Variants in MOCOS observed in about 807,000 individuals in gnomAD.
The protein encoded by MOCOS is molybdenum cofactor sulfurase.
Under a neutral mutation model 83.6 loss-of-function variants are expected in MOCOS, and 86 were observed. The observed-to-expected ratio is 1.03, with a 90% CI of 0.86 to 1.23. The LOEUF (loss-of-function observed/expected upper bound fraction) is 1.23, where lower values mean the gene tolerates loss of function less well. Ranked by LOEUF, MOCOS falls within the 50% of genes most tolerant of loss-of-function variation. MOCOS has a pLI of 0.00. For synonymous variants in MOCOS, 445 were observed against 434.7 expected (o/e 1.02, Z -0.29); for missense variants, 1,120 against 1,126.9 (o/e 0.99, Z 0.09).
At chr18:36,196,412 C>T (rs1048901160) in intron 2 of MOCOS, among the ~76,000 whole-genome samples, 2 of 152,116 alleles carry the variant, frequency 1.3e-5, no homozygotes, top group African/African-American at 4.8e-5. Context: ...AGTAACTAGC[C>T]TGAGGCTGCA....
At chr18:36,214,552 G>T (rs1167187299) in intron 7 of MOCOS, among the ~76,000 whole-genome samples, 1 of 152,114 alleles carries the variant, frequency 6.6e-6, no homozygotes, top group Admixed American at 6.5e-5. Context: ...TTTCACTTCA[G>T]GGTATAGCCT....
chr18:36,248,247 T>G (rs2091609603), intron 9 of MOCOS, among the ~76,000 whole-genome samples: 1 of 152,354 alleles, frequency 6.6e-6, no homozygotes, highest in Non-Finnish European at 1.5e-5. Flanking sequence ...CATGTCTTCT[T>G]TCAAGAAATA....
At chr18:36,198,962 C>T (rs532891619) in intron 3 of MOCOS, among the ~76,000 whole-genome samples, 1 of 152,214 alleles carries the variant, frequency 6.6e-6, no homozygotes, top group Non-Finnish European at 1.5e-5. Context: ...AGATGAGACA[C>T]ACAGGTAGGT....
chr18:36,245,826 A>G (rs1416280435), intron 9 of MOCOS, among the ~76,000 whole-genome samples: 2 of 152,098 alleles, frequency 1.3e-5, no homozygotes, highest in Non-Finnish European at 2.9e-5. Context: ...ATTTTTTAAA[A>G]TTCTTTTTTA....
intron 5 of MOCOS, 35 bp from the exon 6 acceptor site, chr18:36,205,042 C>T (rs1212865168): frequency 1.0e-6 from 1 of 980,432 alleles, no homozygotes; most frequent in Admixed American, 1.8e-5. Context: ...TTACATAAAG[C>T]TCATGATTCT....
intron 13 of MOCOS, 129 bp downstream of exon 13, chr18:36,260,304 G>A (rs749981190): frequency 1.9e-5 from 23 of 1,218,852 alleles, no homozygotes; most frequent in Non-Finnish European, 2.8e-5. Context: ...AAATCTTGGT[G>A]GGAGGTTATG....
chr18:36,215,388 A>T (rs975611936), intron 7 of MOCOS, 128 bp from the exon 8 acceptor site: 2 of 863,462 alleles, frequency 2.3e-6, no homozygotes, highest in Non-Finnish European at 1.9e-6. Context: ...CGCACAGCAC[A>T]TATTAATGTT....
chr18:36,272,135 T>A lies in MOCOS; in HGVS notation c.*3450T>A, dbSNP rs2091701610. 6.6e-6 allele frequency: 1 copy of A among 152,224 alleles called. No individual in the cohort carries two copies. The highest frequency in any genetic ancestry group is 2.1e-4 in the South Asian group (1 of 4,828). The allele number at this position is 152,224 out of a possible 1,614,324, so 9.4% of individuals were successfully genotyped here. ...GTATGACTTATGATATTCATGATAA[T>A]TAAAACGTTTTGGAACAATTCATCT... On this transcript the variant is annotated 3_prime_UTR_variant, in exon 15 of 15. Coordinates refer to ENST00000261326, the MANE Select transcript of MOCOS (RefSeq NM_017947.4).
chr18:36,239,822 C>T (rs181909683), intron 9 of MOCOS, among the ~76,000 whole-genome samples: 3,474 of 151,504 alleles, frequency 0.023, 48 homozygotes, highest in Middle Eastern at 0.048. Context: ...TTCTTGGAGG[C>T]TTTGCTCGTT....
At chr18:36,213,038 A>C (rs1285674586) in intron 6 of MOCOS, among the ~76,000 whole-genome samples, 2 of 152,198 alleles carry the variant, frequency 1.3e-5, no homozygotes, top group Non-Finnish European at 2.9e-5. Context: ...TGGAGAAAGT[A>C]GGAAAAGCAA....
At chr18:36,263,974 T>G (rs1182476754) in intron 13 of MOCOS, among the ~76,000 whole-genome samples, 1 of 152,074 alleles carries the variant, frequency 6.6e-6, no homozygotes, top group Non-Finnish European at 1.5e-5. Context: ...GTCAGGAGTT[T>G]GACACCAGCC....
At chr18:36,244,771 T>G (rs1416169939) in intron 9 of MOCOS, among the ~76,000 whole-genome samples, 3 of 152,192 alleles carry the variant, frequency 2.0e-5, no homozygotes, top group African/African-American at 4.8e-5. Flanking sequence ...TTAGGTCTAG[T>G]AGCAATTGTT....
intron 11 of MOCOS, among the ~76,000 whole-genome samples, chr18:36,256,290 A>C (rs560453468): frequency 8.8e-4 from 134 of 152,298 alleles, no homozygotes; most frequent in African/African-American, 3.2e-3. Flanking sequence ...TAGATTCAGA[A>C]GCTCTTCCTG....
At position 36,235,175 on chromosome 18, in the gene MOCOS, A is replaced by C. The variant is rs575763037; in HGVS notation, c.1961-13747A>C. Among the ~76,000 whole-genome samples, 11 of 151,252 alleles carry C rather than the reference A, an allele frequency of 7.3e-5. No homozygotes were observed. The East Asian group carries it at 2.0e-3, about 27-fold the overall frequency. On this transcript the variant is annotated intron_variant, in intron 9 of 14. Coordinates refer to ENST00000261326, the MANE Select transcript of MOCOS (RefSeq NM_017947.4). ...ACTTTAAGTTTTAGGGTACATGTGC[A>C]CATTGTGCAGGTTAGTTACATACGT...
At chr18:36,251,667 G>A (rs2091622499) in intron 11 of MOCOS, among the ~76,000 whole-genome samples, 1 of 152,170 alleles carries the variant, frequency 6.6e-6, no homozygotes, top group South Asian at 2.1e-4. Flanking sequence ...AATCAATGGC[G>A]TGACCTTGGT....
rs1398663269 is a variant in MOCOS, at chr18:36,266,835, TGA to T, written c.2500_2501del (p.Arg835Ter). 1.2e-6 allele frequency: 2 copies of T among 1,614,002 alleles called. No individual in the cohort carries two copies. Among genetic ancestry groups the T allele is most frequent in the African/African-American group, 1.3e-5 (1 of 75,046 alleles). On this transcript the variant is annotated frameshift_variant, in exon 14 of 15. Transcript: ENST00000261326. LOFTEE classifies it low-confidence loss of function (END_TRUNC). The stretch of plus-strand genomic sequence containing the variant: ...ACCAGCATGTTTTCCAAAAACTTTC[TGA>T]GAGTCGTGAAACAAAGGTAAGCGTG... ...RNQHVFQKLS[E>X]SRETKVNFGM...
In MOCOS at chr18:36,220,155, G is replaced by C. The variant is rs766703333; in HGVS notation, c.1898G>C (p.Arg633Pro). The C allele has an allele frequency of 1.2e-6, 2 of 1,614,106 alleles. No homozygotes were observed. The highest frequency in any genetic ancestry group is 1.7e-6 in the Non-Finnish European group (2 of 1,180,034). The stretch of plus-strand genomic sequence containing the variant: ...TGCCTGAGTCAGAAGCAGGAACCCC[G>C]GCTCTGCCTGATCCAGCCCTTCATC... ...GVCLSQKQEP[R>P]LCLIQPFIDL... The change falls in exon 9 of 15, where the codon CGG (arginine) becomes CCG (proline). Residue 633 changes from arginine to proline, a missense_variant. Transcript: ENST00000261326.
In MOCOS at chr18:36,228,142, C is replaced by G. The variant is rs180970284; in HGVS notation, c.1960+7925C>G. Among the ~76,000 whole-genome samples, 5 of 152,240 alleles carry G rather than the reference C, an allele frequency of 3.3e-5. No homozygotes were observed. In the South Asian group the frequency reaches 8.3e-4, roughly 25 times the overall value. On this transcript the variant is annotated intron_variant, in intron 9 of 14. Transcript: ENST00000261326. ...AACCACAATGAGATATCATCTAACA[C>G]CAGTCAGAATGAGTATTATTAAAAA...
chr18:36,240,539 G>A (rs2091577573), intron 9 of MOCOS, among the ~76,000 whole-genome samples: 1 of 151,040 alleles, frequency 6.6e-6, no homozygotes, highest in South Asian at 2.1e-4. Flanking sequence ...TCTCTTCAAA[G>A]CTGTCAGACA....
Sources: gnomAD v4.1 joint callset for allele counts (sites outside exome capture counted in the v4.1 genomes callset) on GRCh38, gnomAD v4.1.1 for gene constraint, MANE v1.5 for transcripts, NCBI Gene and HGNC (gene_info 2026-07-23, HGNC 2026-07-21) for gene names.